The following CCDC159 variants were observed in gnomAD, a reference collection of about 807,000 sequenced individuals.
CCDC159 encodes coiled-coil domain-containing protein 159.
Under a neutral mutation model 50.9 loss-of-function variants are expected in CCDC159, and 40 were observed. The observed-to-expected ratio is 0.79, with a 90% CI of 0.61 to 1.02. The LOEUF (loss-of-function observed/expected upper bound fraction) is 1.02, where lower values mean the gene tolerates loss of function less well. Ranked by LOEUF, CCDC159 falls within the 50% of genes least tolerant of loss-of-function variation. The pLI, the probability that CCDC159 is intolerant of heterozygous loss-of-function variation, is 0.00. For missense variants in CCDC159, 356 were observed against 371.5 expected (o/e 0.96, Z 0.34); for synonymous variants, 146 against 138.9 (o/e 1.05, Z -0.36).
At chr19:11,349,859 G>C (rs1967472282) in intron 2 of CCDC159, 79 bp from the exon 3 acceptor site, 1 of 1,403,512 alleles carries the variant, frequency 7.1e-7, no homozygotes, top group African/African-American at 1.4e-5. Context: ...GCTACTCTGA[G>C]CCTTTGCTGA....
At chr19:11,347,807 A>G (rs1967341093) in intron 1 of CCDC159, among the ~76,000 whole-genome samples, 1 of 152,202 alleles carries the variant, frequency 6.6e-6, no homozygotes, top group Non-Finnish European at 1.5e-5. Flanking sequence ...AGATATCTCC[A>G]TCTGTGCCAT....
chr19:11,354,916 G>T lies in CCDC159; in HGVS notation c.*39G>T. The T allele has an allele frequency of 6.2e-7, 1 of 1,608,954 alleles. No homozygotes were observed. Among genetic ancestry groups the T allele is most frequent in the South Asian group, 1.1e-5 (1 of 90,976 alleles). On this transcript the variant is annotated 3_prime_UTR_variant, in exon 11 of 11. Transcript: ENST00000458408. ...CTCTCCCTGAAGACCCCTCCAGAGA[G>T]AAAATAAACTAGCCCAGACCCTCCT...
Position 11,353,871 on chromosome 19 carries a change from A to T in CCDC159, c.769A>T (p.Arg257Ter). 6.4e-7 allele frequency: 1 copy of T among 1,571,862 alleles called. No individual in the cohort carries two copies. Among genetic ancestry groups the T allele is most frequent in the South Asian group, 1.2e-5 (1 of 85,262 alleles). Reference sequence around the variant, plus strand: ...GGCCTGTCCCAAGGCCTCGAGCCTAAGAGGTGAGGGAGGCTGAGAATTGCT... The same window carrying T: ...GGCCTGTCCCAAGGCCTCGAGCCTATGAGGTGAGGGAGGCTGAGAATTGCT... ...SGACPKASSL[R>*]GHKGHQCLSP... is the part of the protein sequence containing the mutation. Residue 257 changes from arginine (R) to a stop codon, truncating the protein, a stop_gained, in exon 9 of 11, where the codon AGA becomes TGA. Coordinates refer to ENST00000458408, the MANE Select transcript of CCDC159 (RefSeq NM_001080503.3). LOFTEE classifies it high-confidence loss of function.
chr19:11,346,623 A>G lies in CCDC159; in HGVS notation c.17A>G (p.Gln6Arg). The change falls in exon 1 of 11, where the codon CAG becomes CGG. Residue 6 changes from glutamine (Q) to arginine (R), a missense_variant. Transcript: ENST00000458408. MGEHE[Q>R]VKPLETSSSK... ...TGGTCCCTGATGGGAGAGCATGAAC[A>G]GGTGGTATGTGGTAGGTGGGGTTCT... 6.4e-7 allele frequency: 1 copy of G among 1,551,298 alleles called. No individual in the cohort carries two copies. The highest frequency in any genetic ancestry group is 1.2e-5 in the South Asian group (1 of 84,010).
rs1568315663 is a variant in CCDC159 at position 11,353,877 on chromosome 19, G to C, written c.772+3G>C. The stretch of plus-strand genomic sequence containing the variant: ...TCCCAAGGCCTCGAGCCTAAGAGGT[G>C]AGGGAGGCTGAGAATTGCTCAGGGG... On this transcript the variant is annotated splice_donor_region_variant and intron_variant, in intron 9 of 10. Coordinates refer to ENST00000458408, the MANE Select transcript of CCDC159 (RefSeq NM_001080503.3). 1 of 1,561,162 alleles carries C rather than the reference G, an allele frequency of 6.4e-7. No individual in the cohort carries two copies. Among genetic ancestry groups the C allele is most frequent in the Non-Finnish European group, 8.7e-7 (1 of 1,154,770 alleles).
intron 10 of CCDC159, 74 bp from the exon 11 acceptor site, chr19:11,354,799 C>T: frequency 2.5e-6 from 4 of 1,611,940 alleles, no homozygotes; most frequent in Non-Finnish European, 3.4e-6. Flanking sequence ...CTGATCTGGG[C>T]ATGCGGTCCC....
In CCDC159 at chr19:11,353,812, A is replaced by C; in HGVS notation, c.710A>C (p.Gln237Pro). ...TGCAGGTCTGCTGTGCACGTGCTGCAGAACTCCATAGACAGCCTCACTTTG... is the reference window on the plus strand; with the variant it reads ...TGCAGGTCTGCTGTGCACGTGCTGCCGAACTCCATAGACAGCCTCACTTTG... ...SDIWSAVHVL[Q>P]NSIDSLTLCS... The change falls in exon 9 of 11, where the codon CAG (glutamine) becomes CCG (proline). Residue 237 changes from glutamine to proline, a missense_variant. Coordinates refer to ENST00000458408, the MANE Select transcript of CCDC159 (RefSeq NM_001080503.3). The C allele has an allele frequency of 3.8e-6, 6 of 1,598,488 alleles. No homozygotes were observed. Among genetic ancestry groups the C allele is most frequent in the Non-Finnish European group, 5.1e-6 (6 of 1,172,610 alleles).
rs897890449 is a variant in CCDC159, at chr19:11,351,000, A to G, written c.419A>G (p.Asp140Gly). 6.5e-7 allele frequency: 1 copy of G among 1,548,720 alleles called. No individual in the cohort carries two copies. The highest frequency in any genetic ancestry group is 1.4e-5 in the African/African-American group (1 of 73,192). ...CAGCTGCTGGCCCAGGAGATCCGGG[A>G]CAGGTCGGGGATGGCGGGAGGGCAG... ...CLQLLAQEIR[D>G]SKKFLWEELE... The change falls in exon 5 of 11, where the codon GAC (aspartate) becomes GGC (glycine). Residue 140 changes from aspartate to glycine, a missense_variant. Transcript: ENST00000458408.
At position 11,353,442 on chromosome 19, in the gene CCDC159, C is replaced by A; in HGVS notation, c.568-9C>A. 6.4e-7 allele frequency: 1 copy of A among 1,562,122 alleles called. No individual in the cohort carries two copies. On this transcript the variant is annotated splice_polypyrimidine_tract_variant and intron_variant, in intron 7 of 10. Coordinates refer to ENST00000458408, the MANE Select transcript of CCDC159 (RefSeq NM_001080503.3). ...ATGACTGCTGTTCTCTCATCCCTCC[C>A]CACCCCAGATCCTGACCAAGATGAA...
intron 1 of CCDC159, among the ~76,000 whole-genome samples, chr19:11,347,806 C>T (rs1967340837): frequency 6.6e-6 from 1 of 152,220 alleles, no homozygotes; most frequent in Non-Finnish European, 1.5e-5. Flanking sequence ...CAGATATCTC[C>T]ATCTGTGCCA....
At chr19:11,353,400 C>G in intron 7 of CCDC159, 51 bp from the exon 8 acceptor site, 1 of 1,527,396 alleles carries the variant, frequency 6.5e-7, no homozygotes, top group Non-Finnish European at 8.9e-7. Context: ...GCGCCTGGCA[C>G]TATTGTCATT....
At chr19:11,348,044 A>G in intron 1 of CCDC159, 1 of 445,400 alleles carries the variant, frequency 2.2e-6, no homozygotes, top group Non-Finnish European at 4.5e-6. Flanking sequence ...TGCTCTGCTA[A>G]CCTCCTGCTG....
At chr19:11,349,012 G>C (rs768433782) in intron 1 of CCDC159, 1 of 1,340,814 alleles carries the variant, frequency 7.5e-7, no homozygotes. Context: ...ACTGGTCCAG[G>C]ACTCCAGAGC....
chr19:11,353,696 T>C, intron 8 of CCDC159, 96 bp from the exon 9 acceptor site: 1 of 1,547,396 alleles, frequency 6.5e-7, no homozygotes. Flanking sequence ...CCCCTAGGAC[T>C]CACCCCACCA....
intron 5 of CCDC159, chr19:11,351,525 AC>A (rs1967580939): frequency 4.8e-6 from 1 of 207,498 alleles, no homozygotes; most frequent in East Asian, 1.4e-4. Flanking sequence ...GGAGTGGGAA[AC>A]TGAGAGGCCA....
chr19:11,349,920 C>T lies in CCDC159; in HGVS notation c.56-18C>T. The T allele has an allele frequency of 6.2e-7, 1 of 1,613,048 alleles. No individual in the cohort carries two copies. The highest frequency in any genetic ancestry group is 8.5e-7 in the Non-Finnish European group (1 of 1,179,180). ...CCCACCCCTTACAGCCCTGGCTCAC[C>T]CTCTTCTCTGCCCACAGCCAAGACC... On this transcript the variant is annotated intron_variant, in intron 2 of 10. Transcript: ENST00000458408.
In CCDC159 at chr19:11,353,459, C is replaced by T; in HGVS notation, c.576C>T (p.Thr192=). The stretch of plus-strand genomic sequence containing the variant: ...ATCCCTCCCCACCCCAGATCCTGAC[C>T]AAGATGAAGCAGCAGGGTCATGAGA... The part of the protein sequence containing the change: ...KTQVKCRKIL[T]KMKQQGHETA... The change falls in exon 8 of 11, where the codon ACC becomes ACT. Residue 192 remains threonine, a synonymous_variant. Coordinates refer to ENST00000458408, the MANE Select transcript of CCDC159 (RefSeq NM_001080503.3). 6.3e-7 allele frequency: 1 copy of T among 1,578,702 alleles called. No individual in the cohort carries two copies. The highest frequency in any genetic ancestry group is 8.6e-7 in the Non-Finnish European group (1 of 1,162,488).
intron 1 of CCDC159, 191 bp from the exon 2 acceptor site, chr19:11,349,463 C>T: frequency 1.5e-6 from 1 of 677,142 alleles, no homozygotes; most frequent in South Asian, 1.9e-5. Context: ...CATAAGTGCA[C>T]TTCTGAGCAT....
chr19:11,351,376 G>T, intron 5 of CCDC159: 1 of 221,154 alleles, frequency 4.5e-6, no homozygotes, highest in Admixed American at 5.4e-5. Flanking sequence ...GGCAGAGGTT[G>T]CAGTGAGCTG....
Sources: gnomAD v4.1 joint callset for allele counts (sites outside exome capture counted in the v4.1 genomes callset) on GRCh38, gnomAD v4.1.1 for gene constraint, MANE v1.5 for transcripts, NCBI Gene and HGNC (gene_info 2026-07-23, HGNC 2026-07-21) for gene names.